The following ARID4B variants were observed in gnomAD, a reference collection of about 807,000 sequenced individuals.
ARID4B encodes the protein AT-rich interactive domain-containing protein 4B.
A neutral mutation model predicts 147.5 loss-of-function variants in ARID4B; 26 were observed. The ratio of observed to expected loss-of-function variants is 0.18; its 90% confidence interval spans 0.13 to 0.24. The LOEUF (loss-of-function observed/expected upper bound fraction) is 0.24. ARID4B is among the 10% of genes least tolerant of loss of function. The pLI, the probability that ARID4B is intolerant of heterozygous loss-of-function variation, is 1.00. For synonymous variants in ARID4B, 512 were observed against 507.9 expected (o/e 1.01, Z -0.11); for missense variants, 1,179 against 1,511.5 (o/e 0.78, Z 3.65).
chr1:235,276,190 CAAAAA>C (rs1190767913), intron 2 of ARID4B, among the ~76,000 whole-genome samples: 2 of 56,036 alleles, frequency 3.6e-5, no homozygotes, highest in African/African-American at 1.1e-4. Context: ...ACATACGAAG[CAAAAA>C]AAAAAAAAAA....
chr1:235,242,032 G>C (rs1669016494), intron 7 of ARID4B, among the ~76,000 whole-genome samples: 1 of 151,912 alleles, frequency 6.6e-6, no homozygotes, highest in African/African-American at 2.4e-5. Context: ...TGGATCACCT[G>C]AGGTCAGGAG....
At chr1:235,238,907 G>C (rs1668799607) in intron 8 of ARID4B, among the ~76,000 whole-genome samples, 1 of 150,918 alleles carries the variant, frequency 6.6e-6, no homozygotes, top group African/African-American at 2.4e-5. Flanking sequence ...TGACTCAATG[G>C]TCTTCAGATA....
chr1:235,220,711 A>C (rs1667405151), intron 14 of ARID4B, among the ~76,000 whole-genome samples, 166 bp from the exon 15 acceptor site: 1 of 152,150 alleles, frequency 6.6e-6, no homozygotes, highest in East Asian at 1.9e-4. Context: ...GCAAAAAAAA[A>C]ATTTTGTCAA....
chr1:235,247,776 A>G (rs895469391), intron 6 of ARID4B, among the ~76,000 whole-genome samples: 2 of 152,022 alleles, frequency 1.3e-5, no homozygotes, highest in African/African-American at 2.4e-5. Flanking sequence ...AATACCTGAG[A>G]TCGGGAGTTG....
intron 2 of ARID4B, among the ~76,000 whole-genome samples, chr1:235,287,691 G>A (rs1672077438): frequency 6.6e-6 from 1 of 152,148 alleles, no homozygotes; most frequent in Non-Finnish European, 1.5e-5. Flanking sequence ...AAATAAGCTT[G>A]ACAAAATGAG....
intron 13 of ARID4B, among the ~76,000 whole-genome samples, chr1:235,222,153 C>T (rs2103027726): frequency 6.6e-6 from 1 of 152,070 alleles, no homozygotes; most frequent in Non-Finnish European, 1.5e-5. Context: ...CTCCAGCAAT[C>T]CCCTGGCCTT....
intron 2 of ARID4B, among the ~76,000 whole-genome samples, chr1:235,316,283 G>A (rs1039947510): frequency 3.9e-5 from 6 of 152,018 alleles, no homozygotes; most frequent in South Asian, 2.1e-4. Context: ...TGAGGCGGGC[G>A]GATCACTTGA....
intron 2 of ARID4B, among the ~76,000 whole-genome samples, chr1:235,270,234 G>A (rs1406262237): frequency 6.6e-6 from 1 of 152,094 alleles, no homozygotes; most frequent in Non-Finnish European, 1.5e-5. Flanking sequence ...AGTGAGCCGA[G>A]ATCATGCCAC....
chr1:235,255,267 A>ATCTATCTATCTATC (rs772853750), intron 5 of ARID4B, among the ~76,000 whole-genome samples: 5,209 of 137,080 alleles, frequency 0.038, 212 homozygotes, highest in South Asian at 0.08. Flanking sequence ...AGATAGATAT[A>ATCTATCTATCTATC]TATCTCTCTC....
chr1:235,300,506 T>C (rs182456201), intron 2 of ARID4B, among the ~76,000 whole-genome samples: 26 of 152,222 alleles, frequency 1.7e-4, no homozygotes, highest in Middle Eastern at 3.4e-3. Context: ...CCATTTTCCC[T>C]ATCTGTAAAC....
Position 235,231,188 on chromosome 1 carries a change from T to A in ARID4B, c.667A>T (p.Thr223Ser). The A allele has an allele frequency of 6.5e-7, 1 of 1,538,572 alleles. No individual in the cohort carries two copies. Residue 223 changes from threonine to serine, a missense_variant and splice_region_variant, in exon 10 of 24, where the codon ACT becomes TCT. Coordinates refer to ENST00000264183, the MANE Select transcript of ARID4B (RefSeq NM_016374.6). Reference sequence around the variant, plus strand: ...TGGACATCTTTTCTTGGAACTGAAGTACTATATATTTTTTTTAATTATAAG... The same window carrying A: ...TGGACATCTTTTCTTGGAACTGAAGAACTATATATTTTTTTTAATTATAAG... The part of the protein sequence containing the change: ...LVRSFKDGKF[T>S]SVPRKDVHEI...
chr1:235,255,794 AT>A (rs1485733102), intron 4 of ARID4B, 44 bp from the exon 5 acceptor site: 1 of 1,413,406 alleles, frequency 7.1e-7, no homozygotes, highest in East Asian at 2.3e-5. Context: ...TAAAAGGTAA[AT>A]TAACAAACCA....
intron 2 of ARID4B, among the ~76,000 whole-genome samples, chr1:235,318,541 C>T (rs577768861): frequency 1.3e-5 from 2 of 152,178 alleles, no homozygotes; most frequent in Admixed American, 1.3e-4. Flanking sequence ...ATATGTATTA[C>T]AGGATTCCGT....
At chr1:235,307,709 CCA>C (rs1424920625) in intron 2 of ARID4B, among the ~76,000 whole-genome samples, 3 of 152,142 alleles carry the variant, frequency 2.0e-5, no homozygotes, top group Non-Finnish European at 4.4e-5. Context: ...GCTATATGGG[CCA>C]CAGTGTTTCA....
At chr1:235,220,890 G>GA (rs1005669765) in intron 14 of ARID4B, among the ~76,000 whole-genome samples, 4 of 148,974 alleles carry the variant, frequency 2.7e-5, no homozygotes, top group African/African-American at 9.9e-5. Flanking sequence ...TCCTTTTTTT[G>GA]TTTTTTTTTG....
At chr1:235,327,141 C>G (rs1675338666) in intron 1 of ARID4B, 173 bp from the exon 2 acceptor site, 1 of 576,404 alleles carries the variant, frequency 1.7e-6, no homozygotes, top group Non-Finnish European at 3.1e-6. Flanking sequence ...CCGCCATCCC[C>G]GCAAACCCAA....
chr1:235,255,271 C>CTA (rs767376155), intron 5 of ARID4B, among the ~76,000 whole-genome samples: 53 of 52,644 alleles, frequency 1.0e-3, no homozygotes, highest in South Asian at 1.8e-3. Flanking sequence ...AGATATATAT[C>CTA]TCTCTCTCTC....
intron 23 of ARID4B, among the ~76,000 whole-genome samples, 184 bp downstream of exon 23, chr1:235,172,434 C>T (rs1330104911): frequency 6.6e-6 from 1 of 151,970 alleles, no homozygotes; most frequent in African/African-American, 2.4e-5. Flanking sequence ...CAAAATTAGC[C>T]GGGCTTGGTG....
In ARID4B at chr1:235,272,147, C is replaced by T. The variant is rs529221615; in HGVS notation, c.7-11395G>A. 4.6e-5 allele frequency among the ~76,000 whole-genome samples: 7 copies of T among 152,248 alleles called. No individual in the cohort carries two copies. In the South Asian group the frequency reaches 1.2e-3, roughly 27 times the overall value. On this transcript the variant is annotated intron_variant, in intron 2 of 23. Coordinates refer to ENST00000264183, the MANE Select transcript of ARID4B (RefSeq NM_016374.6). ...ACACAACATGTATTAAACACTAAGTCACAAAATTCATTCTAGATTCAGAAT... is the reference window on the plus strand; with the variant it reads ...ACACAACATGTATTAAACACTAAGTTACAAAATTCATTCTAGATTCAGAAT...
Sources: gnomAD v4.1 joint callset for allele counts (sites outside exome capture counted in the v4.1 genomes callset) on GRCh38, gnomAD v4.1.1 for gene constraint, MANE v1.5 for transcripts, NCBI Gene and HGNC (gene_info 2026-07-23, HGNC 2026-07-21) for gene names.